The following OCLN variants were observed in gnomAD, a reference collection of about 807,000 sequenced individuals.
The protein encoded by OCLN is occludin.
OCLN carries 21 observed loss-of-function variants against 47.9 expected under a neutral mutation model. That is an observed-to-expected ratio of 0.44 (90% CI 0.31 to 0.63). The LOEUF is 0.63. Ranked by LOEUF, OCLN falls within the 30% of genes least tolerant of loss-of-function variation. The probability of loss-of-function intolerance (pLI) is 0.08; values close to 1 mark genes in which losing one functional copy is unlikely to be tolerated. For synonymous variants in OCLN, 117 were observed against 198.4 expected, an observed-to-expected ratio of 0.59 and a Z score of 3.45; for missense variants, 360 against 571.0, an observed-to-expected ratio of 0.63 and a Z score of 3.77.
intron 1 of OCLN, among the ~76,000 whole-genome samples, chr5:69,495,222 A>G (rs548540857): frequency 6.6e-6 from 1 of 152,220 alleles, no homozygotes; most frequent in Non-Finnish European, 1.5e-5. Context: ...ATTTATGGAA[A>G]TAAGAGAGTA....
chr5:69,494,566 G>C lies in OCLN; in HGVS notation c.-69+1666G>C, dbSNP rs555907896. On this transcript the variant is annotated intron_variant, in intron 1 of 8. Transcript: ENST00000396442. Reference sequence around the variant, plus strand: ...AGGCAGAGATATTTCCTCAAACAAAGCAACACTTTTTTTTTGGTCGTTTTG... The same window carrying C: ...AGGCAGAGATATTTCCTCAAACAAACCAACACTTTTTTTTTGGTCGTTTTG... 2.0e-5 allele frequency among the ~76,000 whole-genome samples: 3 copies of C among 152,252 alleles called. No individual in the cohort carries two copies. The East Asian group carries it at 5.8e-4, about 29-fold the overall frequency.
Position 69,530,970 on chromosome 5 carries a change from A to G in OCLN, c.892-3724A>G, listed in dbSNP as rs77144436. On this transcript the variant is annotated intron_variant, in intron 4 of 8. Transcript: ENST00000396442. Reference sequence around the variant, plus strand: ...ACTGTGTGGTCCTTTGGAGACTCGAAGAGGAAAGCAGGAAACTGCCCGCCC... The same window carrying G: ...ACTGTGTGGTCCTTTGGAGACTCGAGGAGGAAAGCAGGAAACTGCCCGCCC... Among the ~76,000 whole-genome samples the G allele has an allele frequency of 7.7e-3, 1,180 of 152,338 alleles. 9 individuals carry two copies. The highest frequency in any genetic ancestry group is 0.027 in the African/African-American group (1,107 of 41,570).
intron 1 of OCLN, among the ~76,000 whole-genome samples, chr5:69,499,598 T>C (rs1768398413): frequency 6.6e-6 from 1 of 152,140 alleles, no homozygotes; most frequent in Admixed American, 6.5e-5. Flanking sequence ...TCTTTCTTTT[T>C]TTTTTGAGCC....
At chr5:69,520,281 C>T (rs1293937389) in intron 4 of OCLN, among the ~76,000 whole-genome samples, 1 of 146,608 alleles carries the variant, frequency 6.8e-6, no homozygotes, top group Non-Finnish European at 1.5e-5. Flanking sequence ...ATTATGTCAA[C>T]TTAAGTTACC....
rs761061240 is a variant in OCLN, at chr5:69,509,158, C to A, written c.68C>A (p.Ala23Glu). 36 of 1,613,832 alleles carry A rather than the reference C, an allele frequency of 2.2e-5. 1 individual carries two copies. In the South Asian group the frequency reaches 4.0e-4, roughly 18 times the overall value. Residue 23 changes from alanine to glutamate, a missense_variant, in exon 3 of 9, where the codon GCA (alanine) becomes GAA (glutamate). Coordinates refer to ENST00000396442, the MANE Select transcript of OCLN (RefSeq NM_001205254.2). Reference sequence around the variant, plus strand: ...CATTTCAGCAAACCGAATCATTATGCACCAAGCAATGACATATATGGTGGA... The same window carrying A: ...CATTTCAGCAAACCGAATCATTATGAACCAAGCAATGACATATATGGTGGA... ...RPDEFKPNHYAPSNDIYGGEM... is the reference protein window; with the variant it reads ...RPDEFKPNHYEPSNDIYGGEM...
intron 3 of OCLN, among the ~76,000 whole-genome samples, chr5:69,513,098 A>G (rs150246846): frequency 2.0e-5 from 3 of 152,282 alleles, no homozygotes; most frequent in South Asian, 4.1e-4. Context: ...CCACACCCCT[A>G]TCCCTCTTAG....
chr5:69,520,335 C>G (rs1209569850), intron 4 of OCLN, among the ~76,000 whole-genome samples: 1 of 146,040 alleles, frequency 6.8e-6, no homozygotes, highest in African/African-American at 2.5e-5. Flanking sequence ...GAGTCTTGCT[C>G]TGTTGCCCAG....
intron 7 of OCLN, among the ~76,000 whole-genome samples, chr5:69,548,611 C>T (rs1374252377): frequency 2.0e-5 from 3 of 149,648 alleles, no homozygotes; most frequent in Admixed American, 6.6e-5. Flanking sequence ...TGAGCCACCG[C>T]GCCCAGCCCC....
At chr5:69,550,481 A>G in intron 7 of OCLN, among the ~76,000 whole-genome samples, 1 of 151,630 alleles carries the variant, frequency 6.6e-6, no homozygotes, top group Middle Eastern at 3.2e-3. Context: ...TGTGAGCCAC[A>G]GTGCCCAGCC....
intron 2 of OCLN, among the ~76,000 whole-genome samples, chr5:69,505,350 T>G (rs1368335651): frequency 6.6e-6 from 1 of 152,224 alleles, no homozygotes. Context: ...TGGTTTTTAG[T>G]ATATTCACAG....
At chr5:69,531,427 G>A (rs930564960) in intron 4 of OCLN, among the ~76,000 whole-genome samples, 4 of 152,220 alleles carry the variant, frequency 2.6e-5, no homozygotes, top group African/African-American at 7.2e-5. Flanking sequence ...TAAAGCTCAC[G>A]CTGTGAGGAG....
chr5:69,553,699 T>C lies in OCLN; in HGVS notation c.*28T>C. 6.3e-7 allele frequency: 1 copy of C among 1,597,602 alleles called. No individual in the cohort carries two copies. The highest frequency in any genetic ancestry group is 8.6e-7 in the Non-Finnish European group (1 of 1,165,716). The stretch of plus-strand genomic sequence containing the variant: ...GGCTGATGCCAAGTTGTTTGAGAAA[T>C]TAAGTATCTGACATCTCTGCAATCT... On this transcript the variant is annotated 3_prime_UTR_variant, in exon 9 of 9. Coordinates refer to ENST00000396442, the MANE Select transcript of OCLN (RefSeq NM_001205254.2).
intron 5 of OCLN, among the ~76,000 whole-genome samples, chr5:69,535,177 T>C (rs925735951): frequency 6.6e-6 from 1 of 150,574 alleles, no homozygotes; most frequent in Admixed American, 6.6e-5. Context: ...TGAGAGGAAG[T>C]TACTGAGCAG....
intron 1 of OCLN, among the ~76,000 whole-genome samples, chr5:69,501,949 G>C (rs533747556): frequency 3.3e-5 from 5 of 152,344 alleles, no homozygotes; most frequent in Non-Finnish European, 5.9e-5. Context: ...TGTAATCCCA[G>C]CACTTTGGGA....
intron 4 of OCLN, among the ~76,000 whole-genome samples, chr5:69,533,134 CAT>C (rs753669076): frequency 1.3e-5 from 2 of 149,596 alleles, no homozygotes; most frequent in Non-Finnish European, 1.5e-5. Context: ...CACACACACA[CAT>C]ATATATACAT....
At position 69,517,514 on chromosome 5, in the gene OCLN, C is replaced by T. The variant is rs1270416320; in HGVS notation, c.891+3405C>T. Among the ~76,000 whole-genome samples the T allele has an allele frequency of 5.3e-5, 8 of 151,806 alleles. No individual in the cohort carries two copies. The South Asian group carries it at 6.3e-4, about 12-fold the overall frequency. On this transcript the variant is annotated intron_variant, in intron 4 of 8. Transcript: ENST00000396442. ...TTTTAGGAGAGATGGGGTTTCACCA[C>T]GTTGGCCAGGCTGGTCTCGAACTCC...
chr5:69,526,016 A>G (rs1769269067), intron 4 of OCLN, among the ~76,000 whole-genome samples: 1 of 152,174 alleles, frequency 6.6e-6, no homozygotes, highest in African/African-American at 2.4e-5. Flanking sequence ...ACTGTAGGCA[A>G]AAGAGACCCT....
At position 69,533,881 on chromosome 5, in the gene OCLN, C is replaced by A. The variant is rs1338929724; in HGVS notation, c.892-813C>A. 3.3e-5 allele frequency among the ~76,000 whole-genome samples: 5 copies of A among 152,114 alleles called. No individual in the cohort carries two copies. In the East Asian group the frequency reaches 7.7e-4, roughly 23 times the overall value. On this transcript the variant is annotated intron_variant, in intron 4 of 8. Transcript: ENST00000396442. ...TTCGCTGTGTCAGCCAGGATGGTCT[C>A]GATCTCCTGACCTCATGATCCACCC...
At chr5:69,500,457 A>G (rs1035656378) in intron 1 of OCLN, among the ~76,000 whole-genome samples, 27 of 150,594 alleles carry the variant, frequency 1.8e-4, no homozygotes, top group African/African-American at 4.6e-4. Context: ...CTGGAGTGCA[A>G]TGGCGCAATA....
Sources: allele counts gnomAD v4.1 joint callset (sites outside exome capture counted in the v4.1 genomes callset), GRCh38; gene constraint gnomAD v4.1.1; transcripts MANE v1.5; gene names NCBI Gene and HGNC (gene_info 2026-07-23, HGNC 2026-07-21).